Variants in PPARGC1A observed in about 807,000 individuals in gnomAD.
The protein encoded by PPARGC1A is peroxisome proliferator-activated receptor gamma coactivator 1-alpha.
Under a neutral mutation model 88.7 loss-of-function variants are expected in PPARGC1A, and 25 were observed. The observed-to-expected ratio is 0.28, with a 90% CI of 0.21 to 0.39. The LOEUF (loss-of-function observed/expected upper bound fraction) is 0.39. PPARGC1A is among the 10% of genes least tolerant of loss of function. PPARGC1A has a pLI of 1.00. For missense variants in PPARGC1A, 880 were observed against 968.7 expected (o/e 0.91, Z 1.22); for synonymous variants, 363 against 355.6 (o/e 1.02, Z -0.24).
chr4:24,258,244 A>AG, the PPARGC1A span: 1 of 980,400 alleles, frequency 1.0e-6, no homozygotes, highest in Non-Finnish European at 1.2e-6. Context: ...TACCAATATT[A>AG]GTTCACTGAT....
At chr4:24,236,817 C>T in the PPARGC1A span, among the ~76,000 whole-genome samples, 2 of 152,106 alleles carry the variant, frequency 1.3e-5, no homozygotes, top group East Asian at 1.9e-4. Context: ...CTTATATGTT[C>T]GAAAATCCCC....
At chr4:24,118,436 C>T in the PPARGC1A span, among the ~76,000 whole-genome samples, 1 of 152,294 alleles carries the variant, frequency 6.6e-6, no homozygotes, top group African/African-American at 2.4e-5. Flanking sequence ...ACACTTTTAA[C>T]TCAACTCCTG....
At chr4:24,152,099 T>C in the PPARGC1A span, among the ~76,000 whole-genome samples, 1 of 152,224 alleles carries the variant, frequency 6.6e-6, no homozygotes, top group African/African-American at 2.4e-5. Context: ...GATCTGGACA[T>C]GACATTCTGC....
chr4:24,191,622 C>T, the PPARGC1A span, among the ~76,000 whole-genome samples: 1 of 151,934 alleles, frequency 6.6e-6, no homozygotes, highest in Non-Finnish European at 1.5e-5. Flanking sequence ...ACCTTTTTAA[C>T]AAGAGAACTC....
chr4:23,899,406 A>G (rs1354925113), upstream of PPARGC1A: 3 of 152,198 alleles, frequency 2.0e-5, no homozygotes, highest in African/African-American at 7.2e-5. Flanking sequence ...CTGCTGACGC[A>G]CCATATTTCA....
the PPARGC1A span, among the ~76,000 whole-genome samples, chr4:23,986,175 G>A: frequency 6.6e-6 from 1 of 151,868 alleles, no homozygotes; most frequent in Non-Finnish European, 1.5e-5. Flanking sequence ...GTAAACACTT[G>A]GAAGGTAAAG....
chr4:24,142,751 C>G, the PPARGC1A span, among the ~76,000 whole-genome samples: 2 of 152,154 alleles, frequency 1.3e-5, no homozygotes, highest in African/African-American at 4.8e-5. Context: ...AACAAGACCT[C>G]AAGGAGATTA....
the PPARGC1A span, among the ~76,000 whole-genome samples, chr4:24,217,957 T>C: frequency 6.6e-6 from 1 of 152,194 alleles, no homozygotes; most frequent in Non-Finnish European, 1.5e-5. Context: ...GTAATATTTA[T>C]ACAAAAATCA....
At chr4:24,095,591 C>T in the PPARGC1A span, among the ~76,000 whole-genome samples, 1 of 152,108 alleles carries the variant, frequency 6.6e-6, no homozygotes, top group African/African-American at 2.4e-5. Flanking sequence ...GGTGATGCAT[C>T]TACAAGCCAT....
chr4:23,925,607 G>C, the PPARGC1A span, among the ~76,000 whole-genome samples: 4 of 152,154 alleles, frequency 2.6e-5, no homozygotes, highest in African/African-American at 9.7e-5. Flanking sequence ...AGGATGATGA[G>C]AGAAAATGGA....
At chr4:24,096,119 A>G in the PPARGC1A span, among the ~76,000 whole-genome samples, 2 of 152,116 alleles carry the variant, frequency 1.3e-5, no homozygotes, top group African/African-American at 4.8e-5. Flanking sequence ...GGTTCTCATG[A>G]GATCTGATGG....
chr4:23,927,607 G>T, the PPARGC1A span, among the ~76,000 whole-genome samples: 2 of 152,220 alleles, frequency 1.3e-5, no homozygotes, highest in Middle Eastern at 6.8e-3. Context: ...TTGAAACACT[G>T]TTCTAGGTGC....
the PPARGC1A span, among the ~76,000 whole-genome samples, chr4:24,144,933 GT>G: frequency 0.34 from 49,276 of 145,128 alleles, 8,373 homozygotes; most frequent in African/African-American, 0.42. Flanking sequence ...AACATTTCAG[GT>G]TTTTTTTTTT....
At chr4:24,169,559 G>C in the PPARGC1A span, among the ~76,000 whole-genome samples, 11 of 151,036 alleles carry the variant, frequency 7.3e-5, no homozygotes, top group African/African-American at 2.4e-4. Context: ...AAAATTAAAA[G>C]TTTATTTAAA....
At chr4:24,040,447 G>C in the PPARGC1A span, among the ~76,000 whole-genome samples, 2 of 152,126 alleles carry the variant, frequency 1.3e-5, no homozygotes, top group Admixed American at 6.6e-5. Context: ...ACATCTCTCT[G>C]TCACTCTAAT....
At chr4:24,050,067 G>T in the PPARGC1A span, among the ~76,000 whole-genome samples, 1 of 151,888 alleles carries the variant, frequency 6.6e-6, no homozygotes, top group African/African-American at 2.4e-5. Context: ...ATTTTTTTGT[G>T]AATTATTTTA....
the PPARGC1A span, among the ~76,000 whole-genome samples, chr4:24,154,590 A>G: frequency 6.6e-6 from 1 of 152,162 alleles, no homozygotes; most frequent in African/African-American, 2.4e-5. Context: ...CTCATATCAC[A>G]TTTTCCCACT....
chr4:24,175,329 A>T, the PPARGC1A span, among the ~76,000 whole-genome samples: 1 of 137,882 alleles, frequency 7.3e-6, no homozygotes, highest in Admixed American at 7.3e-5. Context: ...CATTGAGCTT[A>T]CTCTGATTTC....
At chr4:24,171,276 C>A in the PPARGC1A span, among the ~76,000 whole-genome samples, 3 of 151,948 alleles carry the variant, frequency 2.0e-5, no homozygotes, top group Non-Finnish European at 4.4e-5. Context: ...CATGGTGGTG[C>A]GTACCTGTAC....
Sources: allele counts gnomAD v4.1 joint callset (sites outside exome capture counted in the v4.1 genomes callset), GRCh38; gene constraint gnomAD v4.1.1; transcripts MANE v1.5; gene names NCBI Gene and HGNC (gene_info 2026-07-23, HGNC 2026-07-21).